Variants in ARFGAP3 observed in about 807,000 individuals in gnomAD.
ARFGAP3 encodes ARF GTPase activating protein 3.
Under a neutral mutation model 75.0 loss-of-function variants are expected in ARFGAP3, and 72 were observed. The observed-to-expected ratio is 0.96, with a 90% CI of 0.79 to 1.17. The LOEUF (loss-of-function observed/expected upper bound fraction) is 1.17, where lower values mean the gene tolerates loss of function less well. Ranked by LOEUF, ARFGAP3 falls within the 50% of genes most tolerant of loss-of-function variation. The pLI is 0.00. For synonymous variants in ARFGAP3, 221 were observed against 217.9 expected (o/e 1.01, Z -0.13); for missense variants, 620 against 626.6 (o/e 0.99, Z 0.11).
intron 14 of ARFGAP3, among the ~76,000 whole-genome samples, chr22:42,804,802 C>T (rs1459283247): frequency 2.0e-5 from 3 of 152,106 alleles, no homozygotes; most frequent in African/African-American, 4.8e-5. Flanking sequence ...AGGTGTGAGT[C>T]ACCGTGCCTT....
intron 3 of ARFGAP3, among the ~76,000 whole-genome samples, chr22:42,840,648 C>T (rs1926740782): frequency 1.3e-5 from 2 of 151,820 alleles, no homozygotes; most frequent in South Asian, 4.2e-4. Flanking sequence ...AGGCTGGTCT[C>T]GAACTCTTGA....
chr22:42,824,236 G>A (rs952503599), intron 7 of ARFGAP3, among the ~76,000 whole-genome samples: 22 of 141,308 alleles, frequency 1.6e-4, no homozygotes, highest in Non-Finnish European at 2.1e-4. Flanking sequence ...GACTGGTCTT[G>A]GACTCCTGGG....
rs148622965 is a variant in ARFGAP3, at chr22:42,822,844, C to T, written c.673-435G>A. ...ACTTTTTTTGAGACAGGCTCTCATG[C>T]TGTTGACCAAGCTGGAGTACAGTGG... On this transcript the variant is annotated intron_variant, in intron 8 of 15. Transcript: ENST00000263245. 7.2e-4 allele frequency among the ~76,000 whole-genome samples: 109 copies of T among 152,156 alleles called. 1 individual carries two copies. The East Asian group carries it at 0.019, about 26-fold the overall frequency.
intron 2 of ARFGAP3, among the ~76,000 whole-genome samples, chr22:42,844,354 G>A (rs568329916): frequency 2.0e-5 from 3 of 152,200 alleles, no homozygotes; most frequent in African/African-American, 4.8e-5. Context: ...GGAAGCTGAG[G>A]TGGGTGGATC....
intron 14 of ARFGAP3, among the ~76,000 whole-genome samples, chr22:42,801,784 C>G (rs999109903): frequency 6.6e-6 from 1 of 152,238 alleles, no homozygotes; most frequent in Non-Finnish European, 1.5e-5. Flanking sequence ...GAAATGAGAA[C>G]TGACAGTCCA....
rs563157970 is a variant in ARFGAP3, at chr22:42,826,921, A to G, written c.625+19T>C. ...AGTCATACACTTTAAATCAGAATGT[A>G]GGATTTTAAGCATATTACCTAAAGT... On this transcript the variant is annotated intron_variant, in intron 7 of 15. Coordinates refer to ENST00000263245, the MANE Select transcript of ARFGAP3 (RefSeq NM_014570.5). 1 of 1,607,054 alleles carries G rather than the reference A, an allele frequency of 6.2e-7. No homozygotes were observed. The highest frequency in any genetic ancestry group is 2.2e-5 in the East Asian group (1 of 44,778).
intron 5 of ARFGAP3, 72 bp from the exon 6 acceptor site, chr22:42,831,708 G>A (rs1445192344): frequency 6.3e-7 from 1 of 1,598,542 alleles, no homozygotes; most frequent in Non-Finnish European, 8.5e-7. Context: ...TCAAAGCACG[G>A]GAAAAACCTA....
intron 2 of ARFGAP3, among the ~76,000 whole-genome samples, chr22:42,844,608 T>G (rs200266494): frequency 7.4e-6 from 1 of 135,380 alleles, no homozygotes; most frequent in Non-Finnish European, 1.6e-5. Flanking sequence ...AAAAAAAAAA[T>G]AAAAAACCCA....
At chr22:42,825,395 C>T (rs1199944597) in intron 7 of ARFGAP3, among the ~76,000 whole-genome samples, 1 of 152,112 alleles carries the variant, frequency 6.6e-6, no homozygotes, top group Non-Finnish European at 1.5e-5. Flanking sequence ...CATCCTCGGC[C>T]AGGCATGGTG....
chr22:42,831,362 G>C (rs12158325), intron 6 of ARFGAP3, among the ~76,000 whole-genome samples, 187 bp downstream of exon 6: 1 of 147,602 alleles, frequency 6.8e-6, no homozygotes, highest in Admixed American at 6.8e-5. Flanking sequence ...TTTTGATAGA[G>C]ATGGGGACTA....
intron 14 of ARFGAP3, among the ~76,000 whole-genome samples, chr22:42,801,808 T>A (rs1924873391): frequency 6.6e-6 from 1 of 152,130 alleles, no homozygotes; most frequent in South Asian, 2.1e-4. Context: ...GGGGAGACGG[T>A]CTTCGCATGG....
At chr22:42,808,329 C>T (rs938218792) in intron 13 of ARFGAP3, among the ~76,000 whole-genome samples, 4 of 150,126 alleles carry the variant, frequency 2.7e-5, no homozygotes, top group Admixed American at 1.3e-4. Context: ...ACTTGGGAGG[C>T]GGAGGTTGCA....
chr22:42,810,322 G>T (rs1188064073), intron 12 of ARFGAP3, among the ~76,000 whole-genome samples: 1 of 151,998 alleles, frequency 6.6e-6, no homozygotes, highest in Non-Finnish European at 1.5e-5. Flanking sequence ...AAATTAGCCT[G>T]GCATGATGGT....
At chr22:42,828,651 T>C (rs1926149014) in intron 6 of ARFGAP3, among the ~76,000 whole-genome samples, 1 of 150,612 alleles carries the variant, frequency 6.6e-6, no homozygotes, top group South Asian at 2.1e-4. Context: ...ATATCTCCTG[T>C]GGCTAACCCT....
At chr22:42,831,807 G>A (rs1926302925) in intron 5 of ARFGAP3, 171 bp from the exon 6 acceptor site, 2 of 932,800 alleles carry the variant, frequency 2.1e-6, no homozygotes, top group African/African-American at 1.8e-5. Flanking sequence ...TTTAGAAACA[G>A]GGTCTTGCTC....
intron 3 of ARFGAP3, among the ~76,000 whole-genome samples, chr22:42,838,236 T>C (rs1004861810): frequency 1.3e-5 from 2 of 151,000 alleles, no homozygotes; most frequent in African/African-American, 4.9e-5. Context: ...TTTAGACCTC[T>C]GACTTTAACT....
chr22:42,846,038 CAAAAAA>C (rs60266541), intron 2 of ARFGAP3, among the ~76,000 whole-genome samples: 3 of 88,110 alleles, frequency 3.4e-5, no homozygotes, highest in African/African-American at 4.4e-5. Context: ...AACTCCATCT[CAAAAAA>C]AAAAAAAAAA....
At chr22:42,849,339 T>C (rs5751386) in intron 1 of ARFGAP3, among the ~76,000 whole-genome samples, 99,464 of 152,156 alleles carry the variant, frequency 0.65, 34,349 homozygotes, top group African/African-American at 0.87. Context: ...CTACCTCCAC[T>C]GCCTCACTCT....
At chr22:42,847,680 A>T (rs781455157) in intron 1 of ARFGAP3, 48 bp from the exon 2 acceptor site, 2 of 1,598,030 alleles carry the variant, frequency 1.3e-6, no homozygotes. Context: ...TAGCCAAATA[A>T]ATTATCCTGT....
Sources: allele counts gnomAD v4.1 joint callset (sites outside exome capture counted in the v4.1 genomes callset), GRCh38; gene constraint gnomAD v4.1.1; transcripts MANE v1.5; gene names NCBI Gene and HGNC (gene_info 2026-07-23, HGNC 2026-07-21).